Variants in DPP10 observed in about 807,000 individuals in gnomAD.
DPP10 encodes the protein inactive dipeptidyl peptidase 10.
In DPP10, 33 loss-of-function variants were observed where a neutral mutation model predicts 120.9. The ratio of observed to expected loss-of-function variants is 0.27; its 90% CI spans 0.21 to 0.37. The LOEUF is 0.37. Among genes scored for constraint, DPP10 ranks in the 10% least tolerant of loss-of-function variants. The pLI is 1.00. For missense variants in DPP10, 816 were observed against 942.8 expected (o/e 0.87, Z 1.76); for synonymous variants, 337 against 326.1 (o/e 1.03, Z -0.36).
chr2:115,170,427 GA>G (rs1380416206), intron 1 of DPP10, among the ~76,000 whole-genome samples: 2 of 151,474 alleles, frequency 1.3e-5, no homozygotes, highest in Admixed American at 6.6e-5. Context: ...TTTTTGAGAG[GA>G]AAAAAAACTG....
At chr2:114,457,450 A>G (rs1678643566) in intron 1 of DPP10, among the ~76,000 whole-genome samples, 1 of 151,952 alleles carries the variant, frequency 6.6e-6, no homozygotes, top group South Asian at 2.1e-4. Context: ...AGGTGAGGAA[A>G]CTCCGGGACT....
Position 115,382,258 on chromosome 2 carries a change from T to C in DPP10, c.271+38346T>C, listed in dbSNP as rs1354197984. ...GAGCCATGTGCGGGATATAATCTCC[T>C]GGTGTGCTGTTTTTTAAGCCCTTTG... On this transcript the variant is annotated intron_variant, in intron 3 of 25. Coordinates refer to ENST00000410059, the MANE Select transcript of DPP10 (RefSeq NM_020868.6). 4.6e-5 allele frequency among the ~76,000 whole-genome samples: 7 copies of C among 152,216 alleles called. No homozygotes were observed. In the East Asian group the frequency reaches 1.4e-3, roughly 29 times the overall value.
intron 1 of DPP10, among the ~76,000 whole-genome samples, chr2:115,090,691 T>TG (rs1221307361): frequency 6.6e-6 from 1 of 150,982 alleles, no homozygotes; most frequent in Non-Finnish European, 1.5e-5. Context: ...TCTGGACGAT[T>TG]TTTTTGGTGA....
At chr2:115,346,738 C>T (rs1349189262) in intron 3 of DPP10, among the ~76,000 whole-genome samples, 3 of 152,116 alleles carry the variant, frequency 2.0e-5, no homozygotes, top group Admixed American at 2.0e-4. Flanking sequence ...TCTATTGAGA[C>T]TCTGTGATCG....
At chr2:115,225,268 G>A (rs912971968) in intron 1 of DPP10, among the ~76,000 whole-genome samples, 1 of 151,928 alleles carries the variant, frequency 6.6e-6, no homozygotes, top group Non-Finnish European at 1.5e-5. Flanking sequence ...GAGATGGAGG[G>A]AAGAAGACAG....
At chr2:114,725,010 C>G (rs1701952412) in intron 1 of DPP10, among the ~76,000 whole-genome samples, 1 of 152,104 alleles carries the variant, frequency 6.6e-6, no homozygotes, top group Admixed American at 6.6e-5. Flanking sequence ...AAAGGAGCAT[C>G]TATTTTGGTT....
At chr2:115,524,269 T>C (rs1244341258) in intron 4 of DPP10, among the ~76,000 whole-genome samples, 1 of 152,148 alleles carries the variant, frequency 6.6e-6, no homozygotes, top group Non-Finnish European at 1.5e-5. Context: ...ATGTCCAACC[T>C]GGCTACAAAT....
chr2:114,464,964 G>C (rs151286249), intron 1 of DPP10, among the ~76,000 whole-genome samples: 1 of 152,150 alleles, frequency 6.6e-6, no homozygotes, highest in Admixed American at 6.5e-5. Flanking sequence ...AGTTTTCCCC[G>C]TTCTCCATAA....
At chr2:115,769,164 T>C (rs1681156282) in intron 13 of DPP10, among the ~76,000 whole-genome samples, 1 of 152,178 alleles carries the variant, frequency 6.6e-6, no homozygotes, top group South Asian at 2.1e-4. Context: ...ATAAATAATC[T>C]AGTCTCACAC....
intron 5 of DPP10, among the ~76,000 whole-genome samples, chr2:115,668,642 A>G (rs1214992033): frequency 2.0e-5 from 3 of 152,022 alleles, no homozygotes; most frequent in African/African-American, 7.2e-5. Flanking sequence ...GATTTACCTT[A>G]TGTTTAAAGG....
chr2:114,499,529 G>A (rs759756943), intron 1 of DPP10, among the ~76,000 whole-genome samples: 7 of 150,888 alleles, frequency 4.6e-5, no homozygotes, highest in African/African-American at 9.7e-5. Context: ...TTGGGACTGC[G>A]CCATCTCCCA....
chr2:114,970,684 G>A (rs1699335248), intron 1 of DPP10, among the ~76,000 whole-genome samples: 2 of 152,132 alleles, frequency 1.3e-5, no homozygotes, highest in African/African-American at 4.8e-5. Context: ...AAGTAATGAT[G>A]TATCTAAAGC....
chr2:114,479,477 T>C (rs1004515761), intron 1 of DPP10, among the ~76,000 whole-genome samples: 1 of 151,890 alleles, frequency 6.6e-6, no homozygotes, highest in African/African-American at 2.4e-5. Flanking sequence ...TGTAGTTCAA[T>C]GTAGAAAAGA....
intron 1 of DPP10, among the ~76,000 whole-genome samples, chr2:114,866,425 G>A (rs879718944): frequency 6.6e-6 from 1 of 152,092 alleles, no homozygotes; most frequent in Non-Finnish European, 1.5e-5. Context: ...TGAAACATAA[G>A]AAAAGGATTA....
intron 1 of DPP10, among the ~76,000 whole-genome samples, chr2:115,235,575 G>A (rs2057956413): frequency 6.6e-6 from 1 of 151,900 alleles, no homozygotes; most frequent in Non-Finnish European, 1.5e-5. Context: ...GGGGTGGTGG[G>A]TGTGGAGACC....
chr2:115,429,758 T>C (rs1310377029), intron 3 of DPP10, among the ~76,000 whole-genome samples: 1 of 152,056 alleles, frequency 6.6e-6, no homozygotes, highest in Non-Finnish European at 1.5e-5. Flanking sequence ...AACAATTAAG[T>C]TGGAAATGTT....
intron 1 of DPP10, among the ~76,000 whole-genome samples, chr2:115,207,409 A>C (rs1200519793): frequency 8.2e-6 from 1 of 122,210 alleles, no homozygotes; most frequent in Non-Finnish European, 1.6e-5. Context: ...AAGAGTGCTT[A>C]CTGCACCAAA....
intron 1 of DPP10, among the ~76,000 whole-genome samples, chr2:114,879,265 C>A (rs1691410885): frequency 6.6e-6 from 1 of 151,874 alleles, no homozygotes; most frequent in Admixed American, 6.6e-5. Context: ...ATAGTCCCTA[C>A]CCTCAAGGAA....
At chr2:114,518,665 A>G (rs577255274) in intron 1 of DPP10, among the ~76,000 whole-genome samples, 1 of 152,340 alleles carries the variant, frequency 6.6e-6, no homozygotes, top group South Asian at 2.1e-4. Flanking sequence ...GGAGATTGCT[A>G]GAGATGCAGA....
Sources: gnomAD v4.1 joint callset for allele counts (sites outside exome capture counted in the v4.1 genomes callset) on GRCh38, gnomAD v4.1.1 for gene constraint, MANE v1.5 for transcripts, NCBI Gene and HGNC (gene_info 2026-07-23, HGNC 2026-07-21) for gene names.